Variants in TRPC5 observed in about 807,000 individuals in gnomAD.
TRPC5 encodes transient receptor potential cation channel subfamily C member 5.
In TRPC5, 9 loss-of-function variants were observed where a neutral mutation model predicts 56.5. The ratio of observed to expected loss-of-function variants is 0.16; its 90% CI spans 0.10 to 0.28. The LOEUF is 0.28. TRPC5 is among the 10% of genes least tolerant of loss of function. The probability of loss-of-function intolerance (pLI) is 1.00; values close to 1 mark genes in which losing one functional copy is unlikely to be tolerated. For missense variants in TRPC5, 469 were observed against 748.9 expected, an observed-to-expected ratio of 0.63 and a Z score of 4.36; for synonymous variants, 282 against 278.5, an observed-to-expected ratio of 1.01 and a Z score of -0.13.
At chrX:112,079,701 A>C (rs182044501) in intron 1 of TRPC5, among the ~76,000 whole-genome samples, 5 of 111,993 alleles carry the variant, frequency 4.5e-5, no homozygotes, top group Non-Finnish European at 7.5e-5. Context: ...GTTGTTAGCT[A>C]TAGAAAGAAC....
intron 7 of TRPC5, among the ~76,000 whole-genome samples, chrX:111,800,990 TA>T (rs890770158): frequency 5.4e-5 from 6 of 111,226 alleles, no homozygotes; most frequent in African/African-American, 1.6e-4. Flanking sequence ...TACCTAGATT[TA>T]AAACATTCTC....
At chrX:111,939,503 G>A (rs914861230) in intron 2 of TRPC5, among the ~76,000 whole-genome samples, 5 of 111,681 alleles carry the variant, frequency 4.5e-5, no homozygotes, top group Non-Finnish European at 9.4e-5. Context: ...GTAAAATTCA[G>A]CAGTGAAACC....
intron 7 of TRPC5, among the ~76,000 whole-genome samples, chrX:111,806,807 C>A (rs1023782781): frequency 9.1e-6 from 1 of 110,396 alleles, no homozygotes. Flanking sequence ...TTTACTTATC[C>A]TTTATGTTTA....
intron 7 of TRPC5, among the ~76,000 whole-genome samples, chrX:111,825,180 T>TTTCTTTCTTTCTTTCTTTCTTTCC (rs1922171553): frequency 2.3e-5 from 2 of 86,367 alleles, no homozygotes; most frequent in East Asian, 7.1e-4. Flanking sequence ...TCTTTCTTTC[T>TTTCTTTCTTTCTTTCTTTCTTTCC]TTCTTTCTTT....
chrX:111,951,997 C>T, intron 2 of TRPC5, 46 bp downstream of exon 2: 1 of 1,165,271 alleles, frequency 8.6e-7, no homozygotes, highest in Non-Finnish European at 1.1e-6. Flanking sequence ...TGACCTGGTG[C>T]CCTGTTGTGC....
chrX:112,005,463 T>TAAAAAAAAAAAAAAAAAAAAAAAAAAA (rs745973541), intron 1 of TRPC5, among the ~76,000 whole-genome samples: 1 of 66,400 alleles, frequency 1.5e-5, no homozygotes, highest in Non-Finnish European at 3.0e-5. Flanking sequence ...AACCTAAAAG[T>TAAAAAAAAAAAAAAAAAAAAAAAAAAA]AAAAAAAAAA....
intron 7 of TRPC5, among the ~76,000 whole-genome samples, chrX:111,794,837 C>A (rs926510253): frequency 1.8e-5 from 2 of 111,404 alleles, no homozygotes; most frequent in African/African-American, 6.5e-5. Flanking sequence ...CCCAAAGGCC[C>A]CATCTAATAC....
chrX:111,860,860 C>T (rs760608836), intron 3 of TRPC5, among the ~76,000 whole-genome samples: 9 of 111,652 alleles, frequency 8.1e-5, no homozygotes, highest in Non-Finnish European at 1.7e-4. Context: ...CTGTGCAGCA[C>T]CCAAAAGCCA....
chrX:111,847,175 T>C lies in TRPC5; in HGVS notation c.1639A>G (p.Ile547Val), dbSNP rs1409041682. The C allele has an allele frequency of 2.5e-6, 3 of 1,211,918 alleles. No individual in the cohort carries two copies. Among genetic ancestry groups the C allele is most frequent in the Non-Finnish European group, 3.3e-6 (3 of 895,578 alleles). Residue 547 changes from isoleucine to valine, a missense_variant, in exon 6 of 11, where the codon ATC (isoleucine) becomes GTC (valine). Ile to Val is a conservative substitution (Grantham distance 29). Transcript: ENST00000262839. ...QLYFYYETRA[I>V]DEPNNCKGIR... is the part of the protein sequence containing the mutation. ...CCCTTGCAGTTGTTAGGCTCATCGATAGCTCTGGTTTCATAATAGAAGTAA... is the reference window on the plus strand; with the variant it reads ...CCCTTGCAGTTGTTAGGCTCATCGACAGCTCTGGTTTCATAATAGAAGTAA...
intron 1 of TRPC5, among the ~76,000 whole-genome samples, chrX:111,964,082 A>G (rs758129769): frequency 1.8e-5 from 2 of 111,774 alleles, no homozygotes; most frequent in Non-Finnish European, 3.8e-5. Context: ...TTGAAAAAAA[A>G]TTAGACGAAT....
intron 1 of TRPC5, among the ~76,000 whole-genome samples, chrX:112,005,454 A>T (rs1928810949): frequency 9.7e-6 from 1 of 102,575 alleles, no homozygotes; most frequent in Non-Finnish European, 2.0e-5. Flanking sequence ...CTGAAACTGA[A>T]CCTAAAAGTA....
chrX:111,775,933 A>G lies in TRPC5; in HGVS notation c.*380T>C, dbSNP rs182723511. 188 of 132,486 alleles carry G rather than the reference A, an allele frequency of 1.4e-3. No individual in the cohort carries two copies. Among genetic ancestry groups the G allele is most frequent in the South Asian group, 4.4e-3 (14 of 3,153 alleles). The allele number at this position is 132,486 out of a possible 1,213,427, so 10.9% of individuals were successfully genotyped here. A position where few individuals can be genotyped will look rare whatever the true frequency, so the allele number is the denominator to read the frequency against. On this transcript the variant is annotated 3_prime_UTR_variant, in exon 11 of 11. Coordinates refer to ENST00000262839, the MANE Select transcript of TRPC5 (RefSeq NM_012471.3). ...CAGCTCTGCGGGAAAATGGCATGAG[A>G]TTCTGAGGATGGTCAGGAATCTGTG...
At chrX:112,074,129 C>T (rs1361993684) in intron 1 of TRPC5, among the ~76,000 whole-genome samples, 3 of 110,714 alleles carry the variant, frequency 2.7e-5, no homozygotes, top group Non-Finnish European at 3.8e-5. Flanking sequence ...AAAACTAAGG[C>T]TCAGAGTGGC....
chrX:111,811,438 C>G (rs1217076417), intron 7 of TRPC5, among the ~76,000 whole-genome samples: 1 of 112,796 alleles, frequency 8.9e-6, no homozygotes, highest in African/African-American at 3.2e-5. Flanking sequence ...CACACAAACA[C>G]ACACAGAGTT....
intron 1 of TRPC5, among the ~76,000 whole-genome samples, chrX:112,029,458 G>C (rs931368121): frequency 9.0e-6 from 1 of 110,970 alleles, no homozygotes; most frequent in African/African-American, 3.4e-5. Flanking sequence ...ACAATCATGG[G>C]AGTGCAGGCA....
At chrX:111,793,735 T>G (rs1946040210) in intron 7 of TRPC5, among the ~76,000 whole-genome samples, 1 of 111,796 alleles carries the variant, frequency 8.9e-6, no homozygotes, top group Non-Finnish European at 1.9e-5. Flanking sequence ...GTATCTCCAC[T>G]CAAAAACTTG....
intron 1 of TRPC5, among the ~76,000 whole-genome samples, chrX:111,976,783 T>A (rs1927941199): frequency 9.0e-6 from 1 of 110,902 alleles, no homozygotes; most frequent in Non-Finnish European, 1.9e-5. Context: ...AATAAGTCAG[T>A]AAAGTTGTAG....
chrX:111,956,244 T>G (rs1438688811), intron 1 of TRPC5, among the ~76,000 whole-genome samples: 1 of 112,105 alleles, frequency 8.9e-6, no homozygotes, highest in Non-Finnish European at 1.9e-5. Context: ...GCCTTCAGAG[T>G]GTCGTGGTAT....
At chrX:111,986,171 T>A (rs1928204613) in intron 1 of TRPC5, among the ~76,000 whole-genome samples, 1 of 111,250 alleles carries the variant, frequency 9.0e-6, no homozygotes, top group African/African-American at 3.3e-5. Context: ...GCATTTTCAA[T>A]TTGCCACTGG....
Sources: allele counts gnomAD v4.1 joint callset (sites outside exome capture counted in the v4.1 genomes callset), GRCh38; gene constraint gnomAD v4.1.1; transcripts MANE v1.5; gene names NCBI Gene and HGNC (gene_info 2026-07-23, HGNC 2026-07-21).